The following MDFIC variants were observed in gnomAD, a reference collection of about 807,000 sequenced individuals.
The protein encoded by MDFIC is MyoD family inhibitor domain containing, also known as myoD family inhibitor domain-containing protein.
In MDFIC, 17 loss-of-function variants were observed where a neutral mutation model predicts 23.2. The ratio of observed to expected loss-of-function variants is 0.73; its 90% CI spans 0.50 to 1.10. The LOEUF (loss-of-function observed/expected upper bound fraction) is 1.10, where lower values mean the gene tolerates loss of function less well. Ranked by LOEUF, MDFIC falls within the 50% of genes least tolerant of loss-of-function variation. The probability of loss-of-function intolerance (pLI) is 0.00; values close to 1 mark genes in which losing one functional copy is unlikely to be tolerated. For synonymous variants in MDFIC, 120 were observed against 115.2 expected (o/e 1.04, Z -0.27); for missense variants, 356 against 316.6 (o/e 1.12, Z -0.95).
chr7:114,923,535 T>A (rs1301956834), intron 2 of MDFIC: 1 of 1,537,202 alleles, frequency 6.5e-7, no homozygotes, highest in African/African-American at 1.4e-5. Flanking sequence ...TTCTGTTTCT[T>A]GTTGGCTCCT....
chr7:115,012,299 A>G (rs1791697961), intron 4 of MDFIC, among the ~76,000 whole-genome samples: 1 of 152,230 alleles, frequency 6.6e-6, no homozygotes, highest in African/African-American at 2.4e-5. Context: ...CAAAGAAGAG[A>G]AAACATGAAT....
chr7:115,007,818 C>T (rs1791602793), intron 4 of MDFIC, among the ~76,000 whole-genome samples: 1 of 147,162 alleles, frequency 6.8e-6, no homozygotes, highest in Non-Finnish European at 1.5e-5. Flanking sequence ...GACCCCCTCC[C>T]CAAAATAGCT....
intron 3 of MDFIC, among the ~76,000 whole-genome samples, chr7:114,967,009 G>A: frequency 6.6e-6 from 1 of 152,222 alleles, no homozygotes; most frequent in East Asian, 1.9e-4. Context: ...GAGCAAATAT[G>A]TAAAAAGTTC....
chr7:115,004,427 T>C (rs1038707126), intron 4 of MDFIC, among the ~76,000 whole-genome samples: 4 of 152,112 alleles, frequency 2.6e-5, no homozygotes, highest in African/African-American at 9.7e-5. Flanking sequence ...CTGGGCAATA[T>C]AGTGAGAAGC....
chr7:114,972,288 A>T (rs56359210), intron 3 of MDFIC, among the ~76,000 whole-genome samples: 11,308 of 152,214 alleles, frequency 0.074, 434 homozygotes, highest in South Asian at 0.098. Flanking sequence ...GAAAGCTGTT[A>T]GCAGTTACAC....
At chr7:114,972,389 G>T (rs1478865504) in intron 3 of MDFIC, among the ~76,000 whole-genome samples, 1 of 152,072 alleles carries the variant, frequency 6.6e-6, no homozygotes, top group African/African-American at 2.4e-5. Context: ...ATCCCAGGAA[G>T]CCCCACCCCA....
chr7:115,013,144 C>T (rs767396930), intron 4 of MDFIC, among the ~76,000 whole-genome samples: 30 of 152,022 alleles, frequency 2.0e-4, no homozygotes, highest in Non-Finnish European at 3.7e-4. Context: ...CAGCAATTTG[C>T]GGAGTATAGT....
At chr7:114,992,334 C>G (rs1791189716) in intron 4 of MDFIC, among the ~76,000 whole-genome samples, 1 of 152,026 alleles carries the variant, frequency 6.6e-6, no homozygotes. Context: ...AGTTGAATAC[C>G]CTTTATTTCT....
intron 4 of MDFIC, among the ~76,000 whole-genome samples, chr7:114,983,158 C>T (rs1793447267): frequency 6.6e-6 from 1 of 152,128 alleles, no homozygotes; most frequent in Non-Finnish European, 1.5e-5. Flanking sequence ...CCTGTTCTTC[C>T]AAAGGCAAAT....
rs763581756 is a variant in MDFIC at position 114,977,941 on chromosome 7, TATA to T, written c.218-1559_218-1557del. On this transcript the variant is annotated intron_variant, in intron 3 of 4. Coordinates refer to ENST00000393486, the MANE Select transcript of MDFIC (RefSeq NM_001166345.3). ...TCACATAAATATTATATATGTATTA[TATA>T]ATAATTACATAATCAACATAATTAT... 4.2e-4 allele frequency among the ~76,000 whole-genome samples: 62 copies of T among 147,968 alleles called. 1 individual carries two copies. Among genetic ancestry groups the T allele is most frequent in the Admixed American group, 2.4e-3 (36 of 14,756 alleles).
chr7:114,955,749 GCTT>G (rs977380387), intron 3 of MDFIC, among the ~76,000 whole-genome samples: 2 of 152,144 alleles, frequency 1.3e-5, no homozygotes, highest in Non-Finnish European at 2.9e-5. Flanking sequence ...GACTATCTTT[GCTT>G]CTCTTAAGGA....
chr7:114,973,817 G>T (rs1398467353), intron 3 of MDFIC, among the ~76,000 whole-genome samples: 1 of 152,122 alleles, frequency 6.6e-6, no homozygotes, highest in East Asian at 1.9e-4. Flanking sequence ...TCCTTTGCGA[G>T]TTCCCAGCCA....
chr7:114,950,053 A>T (rs747174353), intron 3 of MDFIC, among the ~76,000 whole-genome samples: 1 of 152,154 alleles, frequency 6.6e-6, no homozygotes, highest in Non-Finnish European at 1.5e-5. Context: ...AGACTAAGGG[A>T]AGATAGAAAG....
At chr7:114,971,494 A>T (rs1162027497) in intron 3 of MDFIC, among the ~76,000 whole-genome samples, 1 of 152,280 alleles carries the variant, frequency 6.6e-6, no homozygotes, top group South Asian at 2.1e-4. Flanking sequence ...AGCGTTCTGC[A>T]TCTATCTAAG....
intron 3 of MDFIC, among the ~76,000 whole-genome samples, chr7:114,963,048 A>G (rs1008946789): frequency 1.3e-5 from 2 of 152,198 alleles, no homozygotes; most frequent in African/African-American, 4.8e-5. Flanking sequence ...ACATTTATAT[A>G]CAGTTGATGG....
At chr7:115,012,317 G>T (rs1791698272) in intron 4 of MDFIC, among the ~76,000 whole-genome samples, 1 of 152,080 alleles carries the variant, frequency 6.6e-6, no homozygotes, top group Non-Finnish European at 1.5e-5. Context: ...AATGGCCAAT[G>T]AACATGAAAA....
intron 3 of MDFIC, among the ~76,000 whole-genome samples, chr7:114,964,951 T>A (rs1452340946): frequency 6.6e-6 from 1 of 152,070 alleles, no homozygotes; most frequent in African/African-American, 2.4e-5. Flanking sequence ...AAATGTTGAG[T>A]GACTATATGA....
At chr7:115,002,999 C>T (rs911320602) in intron 4 of MDFIC, among the ~76,000 whole-genome samples, 4 of 152,194 alleles carry the variant, frequency 2.6e-5, no homozygotes, top group Non-Finnish European at 2.9e-5. Context: ...CCTGTTCCCT[C>T]ACTTTTCAGT....
intron 4 of MDFIC, among the ~76,000 whole-genome samples, chr7:115,004,603 GA>G (rs1303745508): frequency 1.3e-5 from 2 of 152,190 alleles, no homozygotes; most frequent in East Asian, 3.8e-4. Flanking sequence ...CTTTGTCTCT[GA>G]AGTTTGGACA....
Sources: allele counts gnomAD v4.1 joint callset (sites outside exome capture counted in the v4.1 genomes callset), GRCh38; gene constraint gnomAD v4.1.1; transcripts MANE v1.5; gene names NCBI Gene and HGNC (gene_info 2026-07-23, HGNC 2026-07-21).